Variants in IGF1R observed in about 807,000 individuals in gnomAD.
The protein encoded by IGF1R is insulin-like growth factor 1 receptor.
In IGF1R, 44 loss-of-function variants were observed where a neutral mutation model predicts 144.6. The observed-to-expected ratio is 0.30, with a 90% CI of 0.24 to 0.39. The LOEUF is 0.39. Among genes scored for constraint, IGF1R ranks in the 10% least tolerant of loss-of-function variants. IGF1R has a pLI of 1.00. For synonymous variants in IGF1R, 795 were observed against 722.8 expected (o/e 1.10, Z -1.60); for missense variants, 1,355 against 1,833.7 (o/e 0.74, Z 4.77).
At chr15:98,904,166 C>T (rs1421005286) in intron 5 of IGF1R, among the ~76,000 whole-genome samples, 1 of 151,712 alleles carries the variant, frequency 6.6e-6, no homozygotes, top group African/African-American at 2.4e-5. Context: ...ATTCCCCTGC[C>T]TCAGCCTCCC....
chr15:98,761,432 C>T (rs939563545), intron 2 of IGF1R, among the ~76,000 whole-genome samples: 1 of 152,174 alleles, frequency 6.6e-6, no homozygotes, highest in Non-Finnish European at 1.5e-5. Context: ...AGCATTCATA[C>T]CAGGCAGGAA....
At chr15:98,757,210 G>A in intron 2 of IGF1R, among the ~76,000 whole-genome samples, 1 of 151,922 alleles carries the variant, frequency 6.6e-6, no homozygotes, top group East Asian at 1.9e-4. Context: ...CGCCCAGGCT[G>A]TGTAGTGCAG....
In IGF1R at chr15:98,960,651, T is replaced by A. The variant is rs2017186427; in HGVS notation, c.*3209T>A. The A allele has an allele frequency of 4.3e-6, 1 of 233,270 alleles. No individual in the cohort carries two copies. 14.5% of individuals were successfully genotyped at this position (233,270 alleles called of 1,614,324 possible). ...GGCAGGACCGTGCGGCCATGGCTGCTGCATTCATTGAGCACAAAGGTGCAG... is the reference window on the plus strand; with the variant it reads ...GGCAGGACCGTGCGGCCATGGCTGCAGCATTCATTGAGCACAAAGGTGCAG... On this transcript the variant is annotated 3_prime_UTR_variant, in exon 21 of 21. Coordinates refer to ENST00000650285, the MANE Select transcript of IGF1R (RefSeq NM_000875.5).
intron 9 of IGF1R, 196 bp from the exon 10 acceptor site, chr15:98,916,476 G>T: frequency 1.6e-6 from 1 of 634,302 alleles, no homozygotes. Context: ...TGCCCAGGCT[G>T]GTCTGAAACT....
intron 2 of IGF1R, among the ~76,000 whole-genome samples, chr15:98,741,235 C>CTTTT (rs540942858): frequency 1.4e-5 from 1 of 70,330 alleles, no homozygotes; most frequent in Admixed American, 1.5e-4. Flanking sequence ...TTTTCCTGAG[C>CTTTT]TTTTTTTTTT....
chr15:98,870,636 T>G (rs1313677630), intron 2 of IGF1R, among the ~76,000 whole-genome samples: 1 of 152,198 alleles, frequency 6.6e-6, no homozygotes, highest in Non-Finnish European at 1.5e-5. Context: ...ATCCCCATCA[T>G]GATTTAGTAC....
intron 2 of IGF1R, among the ~76,000 whole-genome samples, chr15:98,775,427 T>A (rs2141380226): frequency 6.6e-6 from 1 of 152,288 alleles, no homozygotes; most frequent in East Asian, 1.9e-4. Context: ...CATCCGTGTT[T>A]TCGAGGCTTC....
intron 2 of IGF1R, among the ~76,000 whole-genome samples, chr15:98,726,951 C>G (rs1030677911): frequency 1.3e-5 from 2 of 152,006 alleles, no homozygotes; most frequent in Non-Finnish European, 2.9e-5. Flanking sequence ...GAACTCCTGA[C>G]CTCAGGTGAT....
chr15:98,729,144 T>C (rs1457508955), intron 2 of IGF1R, among the ~76,000 whole-genome samples: 2 of 152,274 alleles, frequency 1.3e-5, no homozygotes, highest in Admixed American at 1.3e-4. Context: ...TGTGTCTGAT[T>C]TATACATTTC....
At chr15:98,910,810 G>A in intron 6 of IGF1R, among the ~76,000 whole-genome samples, 1 of 152,158 alleles carries the variant, frequency 6.6e-6, no homozygotes. Flanking sequence ...ACCAAGTTTA[G>A]ACCAAGAAAA....
chr15:98,914,400 G>A (rs2015152493), intron 8 of IGF1R, among the ~76,000 whole-genome samples: 1 of 152,214 alleles, frequency 6.6e-6, no homozygotes, highest in African/African-American at 2.4e-5. Context: ...AGAGAGGAGG[G>A]TGAGAAGAAA....
intron 2 of IGF1R, among the ~76,000 whole-genome samples, chr15:98,778,396 C>G (rs1267077239): frequency 6.6e-6 from 1 of 152,190 alleles, no homozygotes; most frequent in Non-Finnish European, 1.5e-5. Flanking sequence ...GTTATAGTCA[C>G]TCATTCTGTT....
At chr15:98,816,961 T>G (rs547538182) in intron 2 of IGF1R, among the ~76,000 whole-genome samples, 1 of 152,300 alleles carries the variant, frequency 6.6e-6, no homozygotes, top group African/African-American at 2.4e-5. Context: ...TAACAAACAT[T>G]AGGCAGCTGT....
chr15:98,661,402 A>G (rs2052594958), intron 1 of IGF1R, among the ~76,000 whole-genome samples: 2 of 152,336 alleles, frequency 1.3e-5, no homozygotes, highest in South Asian at 4.1e-4. Context: ...TGAACACCTT[A>G]GAAATTATCC....
At position 98,899,469 on chromosome 15, in the gene IGF1R, C is replaced by T. The variant is rs1313692051; in HGVS notation, c.1103-8C>T. On this transcript the variant is annotated splice_region_variant and splice_polypyrimidine_tract_variant and intron_variant, in intron 4 of 20. Transcript: ENST00000650285. ...AGCACACAGTGACACAATCCCCTTT[C>T]AATGTAGATAACATTGCTTCAGAGC... The T allele has an allele frequency of 1.2e-6, 2 of 1,613,988 alleles. No homozygotes were observed. Among genetic ancestry groups the T allele is most frequent in the South Asian group, 2.2e-5 (2 of 91,066 alleles).
chr15:98,865,923 A>C (rs1012854660), intron 2 of IGF1R, among the ~76,000 whole-genome samples: 3 of 152,150 alleles, frequency 2.0e-5, no homozygotes, highest in African/African-American at 7.2e-5. Context: ...AACCGTAAGA[A>C]AAGGGGGCTC....
At chr15:98,907,006 A>ACTC (rs2014764766) in intron 5 of IGF1R, among the ~76,000 whole-genome samples, 1 of 151,770 alleles carries the variant, frequency 6.6e-6, no homozygotes. Context: ...TGGCTCTGTG[A>ACTC]CTCCTTCTGG....
At chr15:98,827,908 G>A (rs1181701589) in intron 2 of IGF1R, among the ~76,000 whole-genome samples, 1 of 152,170 alleles carries the variant, frequency 6.6e-6, no homozygotes, top group African/African-American at 2.4e-5. Flanking sequence ...GTATTCTGCA[G>A]TGGAGAATGG....
At chr15:98,850,299 G>T (rs1057237086) in intron 2 of IGF1R, among the ~76,000 whole-genome samples, 2 of 152,246 alleles carry the variant, frequency 1.3e-5, no homozygotes, top group African/African-American at 4.8e-5. Flanking sequence ...GAAGGAGCCA[G>T]CCACTCACAG....
Sources: gnomAD v4.1 joint callset for allele counts (sites outside exome capture counted in the v4.1 genomes callset) on GRCh38, gnomAD v4.1.1 for gene constraint, MANE v1.5 for transcripts, NCBI Gene and HGNC (gene_info 2026-07-23, HGNC 2026-07-21) for gene names.